The following SCHIP1 variants were observed in gnomAD, a reference collection of about 807,000 sequenced individuals.
SCHIP1 encodes schwannomin-interacting protein 1.
Under a neutral mutation model 29.7 loss-of-function variants are expected in SCHIP1, and 8 were observed. That is an observed-to-expected ratio of 0.27 (90% confidence interval 0.16 to 0.49). SCHIP1 has a LOEUF of 0.49. Ranked by LOEUF, SCHIP1 falls within the 20% of genes least tolerant of loss-of-function variation. The pLI is 0.99. For synonymous variants in SCHIP1, 76 were observed against 94.9 expected, an observed-to-expected ratio of 0.80 and a Z score of 1.16; for missense variants, 193 against 294.6, an observed-to-expected ratio of 0.66 and a Z score of 2.52.
chr3:159,637,359 C>T, the SCHIP1 span, among the ~76,000 whole-genome samples: 2 of 145,268 alleles, frequency 1.4e-5, no homozygotes, highest in African/African-American at 5.2e-5. Flanking sequence ...ACAAAAGAAA[C>T]CCCGGCCCCA....
At chr3:159,496,043 C>G in the SCHIP1 span, among the ~76,000 whole-genome samples, 1 of 152,300 alleles carries the variant, frequency 6.6e-6, no homozygotes, top group East Asian at 1.9e-4. Flanking sequence ...GGAAAACTGG[C>G]TAGCCATATG....
At chr3:159,276,196 A>G in the SCHIP1 span, among the ~76,000 whole-genome samples, 2 of 152,226 alleles carry the variant, frequency 1.3e-5, no homozygotes, top group African/African-American at 4.8e-5. Flanking sequence ...ATCAGTCTCC[A>G]TCACATATTC....
chr3:159,427,260 G>A, the SCHIP1 span, among the ~76,000 whole-genome samples: 1 of 150,942 alleles, frequency 6.6e-6, no homozygotes, highest in African/African-American at 2.4e-5. Flanking sequence ...AAGTCAAATT[G>A]TCCCTCTTTG....
the SCHIP1 span, among the ~76,000 whole-genome samples, chr3:159,469,845 C>A: frequency 3.9e-5 from 6 of 152,026 alleles, no homozygotes; most frequent in African/African-American, 1.4e-4. Context: ...AACTAGATAA[C>A]CCAAAGATGT....
At chr3:159,598,938 T>C in the SCHIP1 span, among the ~76,000 whole-genome samples, 23 of 152,176 alleles carry the variant, frequency 1.5e-4, no homozygotes, top group African/African-American at 5.6e-4. Flanking sequence ...TTTCATTATA[T>C]AATGACATGA....
the SCHIP1 span, among the ~76,000 whole-genome samples, chr3:159,675,246 G>GA: frequency 6.6e-6 from 1 of 152,214 alleles, no homozygotes; most frequent in Non-Finnish European, 1.5e-5. Context: ...CCATGCTTTG[G>GA]AAAATCCCAT....
At chr3:159,482,356 A>G in the SCHIP1 span, among the ~76,000 whole-genome samples, 85 of 152,268 alleles carry the variant, frequency 5.6e-4, no homozygotes, top group South Asian at 2.7e-3. Flanking sequence ...GAGGGAAAAT[A>G]TGTCCTAAAC....
At chr3:159,880,837 T>C (rs1471284662) in intron 2 of SCHIP1, among the ~76,000 whole-genome samples, 2 of 152,258 alleles carry the variant, frequency 1.3e-5, no homozygotes, top group Non-Finnish European at 2.9e-5. Flanking sequence ...TGTGTGATGA[T>C]TTTTGTTGGA....
the SCHIP1 span, among the ~76,000 whole-genome samples, chr3:159,299,814 G>A: frequency 0.037 from 5,607 of 152,182 alleles, 369 homozygotes; most frequent in African/African-American, 0.13. Flanking sequence ...CTTGTCTACC[G>A]TGTGAGGGAG....
chr3:159,458,431 C>T, the SCHIP1 span, among the ~76,000 whole-genome samples: 5 of 152,214 alleles, frequency 3.3e-5, no homozygotes, highest in Non-Finnish European at 1.5e-5. Flanking sequence ...ATTCAGGACA[C>T]AAGAGTGGCC....
At chr3:159,793,507 C>A in the SCHIP1 span, among the ~76,000 whole-genome samples, 3 of 152,120 alleles carry the variant, frequency 2.0e-5, no homozygotes, top group Non-Finnish European at 4.4e-5. Context: ...GGCCAGAAGT[C>A]TGAAATGGTC....
the SCHIP1 span, among the ~76,000 whole-genome samples, chr3:159,559,260 C>G: frequency 1.3e-5 from 2 of 152,188 alleles, no homozygotes; most frequent in African/African-American, 4.8e-5. Context: ...AAGCCCAGGT[C>G]TTAGCTCAAA....
chr3:159,420,943 G>A, the SCHIP1 span, among the ~76,000 whole-genome samples: 2 of 152,156 alleles, frequency 1.3e-5, no homozygotes, highest in South Asian at 4.1e-4. Flanking sequence ...TTAGATTCAG[G>A]CAATTTCTTA....
the SCHIP1 span, chr3:159,764,662 G>A: frequency 1.3e-6 from 2 of 1,597,050 alleles, no homozygotes; most frequent in Non-Finnish European, 1.7e-6. The surrounding 1 kb of genome is among the most constrained non-coding windows in gnomAD (Gnocchi z 6.1). Flanking sequence ...GTGGGCGCCG[G>A]AGGAGGACGG....
the SCHIP1 span, among the ~76,000 whole-genome samples, chr3:159,340,564 C>T: frequency 6.6e-6 from 1 of 152,002 alleles, no homozygotes; most frequent in African/African-American, 2.4e-5. Context: ...ATAAAAATTA[C>T]AATAAATTCA....
At chr3:159,704,104 A>G in the SCHIP1 span, among the ~76,000 whole-genome samples, 1 of 152,170 alleles carries the variant, frequency 6.6e-6, no homozygotes, top group Admixed American at 6.6e-5. Context: ...TGGGGCTCAG[A>G]AAACATGTTG....
the SCHIP1 span, among the ~76,000 whole-genome samples, chr3:159,608,169 C>A: frequency 1.3e-5 from 2 of 152,182 alleles, no homozygotes; most frequent in Non-Finnish European, 2.9e-5. Context: ...TCCAGAAAGC[C>A]ATGATGATGT....
chr3:159,665,546 T>TTGTATGTGTGTGTGTGTG, the SCHIP1 span, among the ~76,000 whole-genome samples: 65 of 147,564 alleles, frequency 4.4e-4, no homozygotes, highest in African/African-American at 1.6e-3. Context: ...GTTTTTGGGG[T>TTGTATGTGTGTGTGTGTG]TGTGTGTGTG....
At chr3:159,583,216 G>A in the SCHIP1 span, among the ~76,000 whole-genome samples, 5 of 152,122 alleles carry the variant, frequency 3.3e-5, no homozygotes, top group Non-Finnish European at 7.4e-5. Flanking sequence ...TCTAGGGTAT[G>A]TAAGTGACTT....
Sources: allele counts gnomAD v4.1 joint callset (sites outside exome capture counted in the v4.1 genomes callset), GRCh38; gene constraint gnomAD v4.1.1; non-coding constraint Gnocchi (gnomAD v3.1); transcripts MANE v1.5; gene names NCBI Gene and HGNC (gene_info 2026-07-23, HGNC 2026-07-21).